Variants in KCNN2 observed in about 807,000 individuals in gnomAD.
The protein encoded by KCNN2 is potassium calcium-activated channel subfamily N member 2, also known as small conductance calcium-activated potassium channel protein 2.
A neutral mutation model predicts 55.5 loss-of-function variants in KCNN2; 24 were observed. The observed-to-expected ratio is 0.43, with a 90% CI of 0.31 to 0.61. KCNN2 has a LOEUF of 0.61. Among genes scored for constraint, KCNN2 ranks in the 20% least tolerant of loss-of-function variants. The pLI is 0.08. For synonymous variants in KCNN2, 431 were observed against 336.1 expected (o/e 1.28, Z -3.09); for missense variants, 754 against 853.6 (o/e 0.88, Z 1.45).
chr5:114,147,346 T>A (rs1383524498), intron 1 of KCNN2, among the ~76,000 whole-genome samples: 1 of 152,196 alleles, frequency 6.6e-6, no homozygotes, highest in African/African-American at 2.4e-5. Flanking sequence ...TAACCTCATT[T>A]TTTGACAAAG....
At position 114,404,477 on chromosome 5, in the gene KCNN2, G is replaced by T; in HGVS notation, c.1258G>T (p.Ala420Ser). The T allele has an allele frequency of 6.2e-7, 1 of 1,613,416 alleles. No homozygotes were observed. ...VDNGADDWRI[A>S]MTYERIFFIC... ...CAATGGAGCAGATGACTGGAGAATA[G>T]CCATGACTTATGAGCGTATTTTCTT... The change falls in exon 3 of 8, where the codon GCC (alanine) becomes TCC (serine). Residue 420 changes from alanine (A) to serine (S), a missense_variant. Around this residue, in one of 4 missense-constraint regions of KCNN2, gnomAD observed 123 missense variants for 204.9 expected, o/e 0.60. Coordinates refer to ENST00000673685, the MANE Select transcript of KCNN2 (RefSeq NM_021614.4).
At chr5:114,113,433 G>C (rs1053960729) in intron 1 of KCNN2, among the ~76,000 whole-genome samples, 1 of 151,968 alleles carries the variant, frequency 6.6e-6, no homozygotes, top group Non-Finnish European at 1.5e-5. Flanking sequence ...TAGGGGAGGA[G>C]AAAAACTTTT....
chr5:114,113,147 A>G (rs1432355821), intron 1 of KCNN2, among the ~76,000 whole-genome samples: 1 of 151,950 alleles, frequency 6.6e-6, no homozygotes, highest in Non-Finnish European at 1.5e-5. Flanking sequence ...AAATAAAACC[A>G]TTTTATCTCT....
At chr5:114,473,608 AGGGCCAGAAAC>A (rs1354951010) in intron 5 of KCNN2, among the ~76,000 whole-genome samples, 2 of 152,252 alleles carry the variant, frequency 1.3e-5, no homozygotes, top group Non-Finnish European at 2.9e-5. Flanking sequence ...AGCCCAAGAT[AGGGCCAGAAAC>A]AGGCTCTTTC....
chr5:114,283,341 A>C (rs1755662896), intron 2 of KCNN2, among the ~76,000 whole-genome samples: 1 of 152,046 alleles, frequency 6.6e-6, no homozygotes, highest in African/African-American at 2.4e-5. Context: ...TTGAGTGTTA[A>C]ATTTTTATTA....
intron 2 of KCNN2, among the ~76,000 whole-genome samples, chr5:114,280,252 C>G (rs1433465214): frequency 3.3e-5 from 5 of 152,266 alleles, no homozygotes; most frequent in African/African-American, 9.6e-5. Context: ...CTGTAGGTTG[C>G]CTGTTCACTC....
At chr5:114,143,903 T>C (rs1752342334) in intron 1 of KCNN2, among the ~76,000 whole-genome samples, 1 of 152,220 alleles carries the variant, frequency 6.6e-6, no homozygotes, top group Admixed American at 6.5e-5. Flanking sequence ...GACTGAAGAA[T>C]ATTTTTTCTA....
At chr5:114,477,431 T>A (rs1762021461) in intron 5 of KCNN2, among the ~76,000 whole-genome samples, 1 of 152,218 alleles carries the variant, frequency 6.6e-6, no homozygotes, top group Non-Finnish European at 1.5e-5. Flanking sequence ...AGTAGAATAC[T>A]ATTTATTGTA....
chr5:114,107,170 T>C (rs1337330694), intron 1 of KCNN2, among the ~76,000 whole-genome samples: 1 of 152,122 alleles, frequency 6.6e-6, no homozygotes, highest in Non-Finnish European at 1.5e-5. Context: ...CACTGCACTG[T>C]AGTAGCATCT....
At chr5:114,417,300 G>A (rs1759335308) in intron 3 of KCNN2, among the ~76,000 whole-genome samples, 1 of 152,166 alleles carries the variant, frequency 6.6e-6, no homozygotes, top group South Asian at 2.1e-4. Context: ...AAGGGAATGA[G>A]TATTCTTATA....
chr5:114,400,691 C>T (rs1758759983), intron 2 of KCNN2, among the ~76,000 whole-genome samples: 1 of 152,208 alleles, frequency 6.6e-6, no homozygotes, highest in South Asian at 2.1e-4. Flanking sequence ...GATGTTCCTT[C>T]ATTTCTTTAT....
intron 3 of KCNN2, among the ~76,000 whole-genome samples, chr5:114,412,192 A>T (rs770138204): frequency 6.6e-5 from 10 of 152,226 alleles, no homozygotes; most frequent in Non-Finnish European, 1.3e-4. Context: ...TCCCACTTGC[A>T]TATGGAATAT....
intron 1 of KCNN2, among the ~76,000 whole-genome samples, chr5:114,145,776 G>C (rs2112510906): frequency 6.6e-6 from 1 of 152,258 alleles, no homozygotes; most frequent in Non-Finnish European, 1.5e-5. Context: ...GTTTTTAACA[G>C]TCTGTGGAGT....
At chr5:114,143,941 G>A (rs1435047569) in intron 1 of KCNN2, among the ~76,000 whole-genome samples, 1 of 152,106 alleles carries the variant, frequency 6.6e-6, no homozygotes, top group Non-Finnish European at 1.5e-5. Flanking sequence ...TAAAGCAATA[G>A]CACAAATTAT....
chr5:114,308,123 T>G (rs368939999), intron 2 of KCNN2, among the ~76,000 whole-genome samples: 22 of 152,262 alleles, frequency 1.4e-4, no homozygotes, highest in South Asian at 4.1e-4. Context: ...CCTATCTAGC[T>G]CATGTCAATT....
chr5:114,161,129 G>T (rs931211953), intron 1 of KCNN2, among the ~76,000 whole-genome samples: 1 of 152,166 alleles, frequency 6.6e-6, no homozygotes, highest in Admixed American at 6.5e-5. Context: ...GCATGTTTTT[G>T]CAGTGGCTGG....
chr5:114,236,687 A>G (rs941751977), intron 2 of KCNN2, among the ~76,000 whole-genome samples: 1 of 152,014 alleles, frequency 6.6e-6, no homozygotes, highest in Non-Finnish European at 1.5e-5. Context: ...TTTATCATTA[A>G]TGTGTTTTTC....
intron 2 of KCNN2, among the ~76,000 whole-genome samples, chr5:114,396,131 A>T (rs1758606243): frequency 6.6e-6 from 1 of 150,702 alleles, no homozygotes; most frequent in Non-Finnish European, 1.5e-5. Context: ...CTCAGGGTAG[A>T]AACACAATAG....
At chr5:114,473,432 G>C (rs1356974786) in intron 5 of KCNN2, among the ~76,000 whole-genome samples, 2 of 152,126 alleles carry the variant, frequency 1.3e-5, no homozygotes, top group East Asian at 1.9e-4. Flanking sequence ...TTTCAGTATA[G>C]TATATGAGGC....
Sources: allele counts gnomAD v4.1 joint callset (sites outside exome capture counted in the v4.1 genomes callset), GRCh38; gene constraint gnomAD v4.1.1; regional missense constraint gnomAD v4.1.1; transcripts MANE v1.5; gene names NCBI Gene and HGNC (gene_info 2026-07-23, HGNC 2026-07-21).